The following SLC5A3 variants were observed in gnomAD, a reference collection of about 807,000 sequenced individuals.
The protein encoded by SLC5A3 is solute carrier family 5 member 3.
Under a neutral mutation model 43.2 loss-of-function variants are expected in SLC5A3, and 10 were observed. The ratio of observed to expected loss-of-function variants is 0.23; its 90% confidence interval spans 0.14 to 0.39. The LOEUF (loss-of-function observed/expected upper bound fraction) is 0.39. SLC5A3 is among the 10% of genes least tolerant of loss of function. SLC5A3 has a pLI of 1.00. For synonymous variants in SLC5A3, 349 were observed against 322.0 expected (o/e 1.08, Z -0.90); for missense variants, 608 against 893.4 (o/e 0.68, Z 4.07).
intron 1 of SLC5A3, among the ~76,000 whole-genome samples, chr21:34,080,210 G>C (rs1278590013): frequency 6.6e-6 from 1 of 152,162 alleles, no homozygotes; most frequent in Non-Finnish European, 1.5e-5. Flanking sequence ...ATAGTAGAAA[G>C]CATTAAGTGA....
At chr21:34,080,098 A>G (rs987530502) in intron 1 of SLC5A3, among the ~76,000 whole-genome samples, 4 of 152,100 alleles carry the variant, frequency 2.6e-5, no homozygotes, top group Admixed American at 2.0e-4. Flanking sequence ...CTGACATACT[A>G]CTGAGGGGAG....
chr21:34,105,771 T>C lies in SLC5A3; in HGVS notation c.*8416T>C, dbSNP rs777037980. 1.2e-4 allele frequency: 116 copies of C among 995,556 alleles called. No individual in the cohort carries two copies. In the Middle Eastern group the frequency reaches 3.1e-3, roughly 27 times the overall value. The allele number at this position is 995,556 out of a possible 1,614,324, so 61.7% of individuals were successfully genotyped here. On this transcript the variant is annotated 3_prime_UTR_variant, in exon 2 of 2. Transcript: ENST00000381151. The stretch of plus-strand genomic sequence containing the variant: ...TTTTTAATTTTAAGGTTTGACTAAT[T>C]GTATCCATCTCATTGTACAGTGTTT...
At chr21:34,082,833 G>GT (rs1209812167) in intron 1 of SLC5A3, among the ~76,000 whole-genome samples, 2 of 152,028 alleles carry the variant, frequency 1.3e-5, no homozygotes, top group Admixed American at 1.3e-4. Flanking sequence ...TTGGCCCAAG[G>GT]TGTAATTGAC....
intron 1 of SLC5A3, among the ~76,000 whole-genome samples, chr21:34,085,910 G>A (rs1386025182): frequency 1.3e-5 from 2 of 152,056 alleles, no homozygotes; most frequent in Non-Finnish European, 2.9e-5. Flanking sequence ...CCAGAAATAA[G>A]GACTTTTAAA....
chr21:34,073,863 A>G (rs2148649148), intron 1 of SLC5A3, 118 bp downstream of exon 1: 1 of 502,332 alleles, frequency 2.0e-6, no homozygotes, highest in Non-Finnish European at 2.7e-6. Context: ...TCCTCGGAGG[A>G]GGCCGGGGCG....
rs1989247073 is a variant in SLC5A3 at position 34,073,762 on chromosome 21, C to T, written c.-337+17C>T. 1.3e-5 allele frequency: 19 copies of T among 1,494,346 alleles called. No individual in the cohort carries two copies. Among genetic ancestry groups the T allele is most frequent in the Non-Finnish European group, 1.7e-5 (19 of 1,114,454 alleles). The allele number at this position is 1,494,346 out of a possible 1,614,324, so 92.6% of individuals were successfully genotyped here. A position where few individuals can be genotyped will look rare whatever the true frequency, so the allele number is the denominator to read the frequency against. On this transcript the variant is annotated intron_variant, in intron 1 of 1. Transcript: ENST00000381151. ...ATGCAGCGGGTAAGTGACCTTCCCT[C>T]AGAGCCGGTCTTCCCGCGCGGGCGC...
Position 34,081,609 on chromosome 21 carries a change from G to A in SLC5A3, c.-337+7864G>A, listed in dbSNP as rs144669508. Reference sequence around the variant, plus strand: ...AGATGGGACTGGGTTTTGGATTGTAGCACCTACTTCCTAAGGACTTTAACC... The same window carrying A: ...AGATGGGACTGGGTTTTGGATTGTAACACCTACTTCCTAAGGACTTTAACC... On this transcript the variant is annotated intron_variant, in intron 1 of 1. Coordinates refer to ENST00000381151, the MANE Select transcript of SLC5A3 (RefSeq NM_006933.7). 7.5e-3 allele frequency among the ~76,000 whole-genome samples: 1,135 copies of A among 152,270 alleles called. 9 individuals carry two copies. The highest frequency in any genetic ancestry group is 0.011 in the Non-Finnish European group (747 of 68,024).
chr21:34,075,308 A>G (rs1989301294), intron 1 of SLC5A3, among the ~76,000 whole-genome samples: 2 of 152,112 alleles, frequency 1.3e-5, no homozygotes, highest in African/African-American at 4.8e-5. Flanking sequence ...ACCCTTTGAA[A>G]CCTTTGAAAT....
At position 34,101,447 on chromosome 21, in the gene SLC5A3, C is replaced by G; in HGVS notation, c.*4092C>G. Reference sequence around the variant, plus strand: ...TGTAAGATTTTGCATTAGCCAGATGCTAGGTTGTTGAAGGCATTTCAGTGT... The same window carrying G: ...TGTAAGATTTTGCATTAGCCAGATGGTAGGTTGTTGAAGGCATTTCAGTGT... On this transcript the variant is annotated 3_prime_UTR_variant, in exon 2 of 2. Transcript: ENST00000381151. 6 of 1,000,070 alleles carry G rather than the reference C, an allele frequency of 6.0e-6. No homozygotes were observed. The highest frequency in any genetic ancestry group is 7.2e-6 in the Non-Finnish European group (6 of 829,884). The allele number at this position is 1,000,070 out of a possible 1,614,324, so 61.9% of individuals were successfully genotyped here.
At position 34,105,390 on chromosome 21, in the gene SLC5A3, T is replaced by C; in HGVS notation, c.*8035T>C. 8 of 999,520 alleles carry C rather than the reference T, an allele frequency of 8.0e-6. No homozygotes were observed. Among genetic ancestry groups the C allele is most frequent in the Non-Finnish European group, 9.6e-6 (8 of 829,446 alleles). The allele number at this position is 999,520 out of a possible 1,614,324, so 61.9% of individuals were successfully genotyped here. A position where few individuals can be genotyped will look rare whatever the true frequency, so the allele number is the denominator to read the frequency against. ...CTTCTTCAAGAAGAAAACCAATTCTTTTTCTAATAATATCCTGTGAAATTG... is the reference window on the plus strand; with the variant it reads ...CTTCTTCAAGAAGAAAACCAATTCTCTTTCTAATAATATCCTGTGAAATTG... On this transcript the variant is annotated 3_prime_UTR_variant, in exon 2 of 2. Coordinates refer to ENST00000381151, the MANE Select transcript of SLC5A3 (RefSeq NM_006933.7).
intron 1 of SLC5A3, 78 bp downstream of exon 1, chr21:34,073,823 C>A: frequency 8.6e-7 from 1 of 1,162,160 alleles, no homozygotes; most frequent in Non-Finnish European, 1.1e-6. Context: ...CCCGCGCGCC[C>A]TGGCCGCGGG....
rs1198774688 is a variant in SLC5A3, at chr21:34,105,097, T to A, written c.*7742T>A. ...TAAAATGCAAAAGCTTTATTTTTTTTAATAATGCCATACTCCATTAGTGTC... is the reference window on the plus strand; with the variant it reads ...TAAAATGCAAAAGCTTTATTTTTTTAAATAATGCCATACTCCATTAGTGTC... On this transcript the variant is annotated 3_prime_UTR_variant, in exon 2 of 2. Transcript: ENST00000381151. 6.0e-6 allele frequency: 6 copies of A among 1,000,082 alleles called. No homozygotes were observed. The highest frequency in any genetic ancestry group is 5.2e-4 in the Middle Eastern group (1 of 1,938). 62.0% of individuals were successfully genotyped at this position (1,000,082 alleles called of 1,614,324 possible).
rs1405911493 is a variant in SLC5A3 at position 34,102,599 on chromosome 21, AC to A, written c.*5246del. The A allele has an allele frequency of 4.0e-6, 4 of 1,000,048 alleles. No homozygotes were observed. Among genetic ancestry groups the A allele is most frequent in the Non-Finnish European group, 4.8e-6 (4 of 829,910 alleles). The allele number at this position is 1,000,048 out of a possible 1,614,324, so 61.9% of individuals were successfully genotyped here. A position where few individuals can be genotyped will look rare whatever the true frequency, so the allele number is the denominator to read the frequency against. ...ACATAGTCTGAGGCTATTGACTTAA[AC>A]CAATAACTGTACTTTATGTAATGAC... On this transcript the variant is annotated 3_prime_UTR_variant, in exon 2 of 2. Transcript: ENST00000381151.
At chr21:34,085,863 A>C (rs1421763140) in intron 1 of SLC5A3, among the ~76,000 whole-genome samples, 3 of 152,256 alleles carry the variant, frequency 2.0e-5, no homozygotes, top group Middle Eastern at 3.4e-3. Flanking sequence ...CGGCCTCCCA[A>C]AGTGCTGGGA....
chr21:34,106,020 C>T lies in SLC5A3; in HGVS notation c.*8665C>T. ...TGTTTAAAAAATGAAAAAAGCATAT[C>T]TGCTAAAGAGCTGTCAGTTTTCATT... On this transcript the variant is annotated 3_prime_UTR_variant, in exon 2 of 2. Transcript: ENST00000381151. The T allele has an allele frequency of 1.0e-6, 1 of 994,190 alleles. No homozygotes were observed. Among genetic ancestry groups the T allele is most frequent in the Non-Finnish European group, 1.2e-6 (1 of 824,454 alleles). The allele number at this position is 994,190 out of a possible 1,614,324, so 61.6% of individuals were successfully genotyped here. A position where few individuals can be genotyped will look rare whatever the true frequency, so the allele number is the denominator to read the frequency against.
At chr21:34,083,992 A>G (rs1387285953) in intron 1 of SLC5A3, among the ~76,000 whole-genome samples, 1 of 152,182 alleles carries the variant, frequency 6.6e-6, no homozygotes, top group Non-Finnish European at 1.5e-5. Context: ...TTGCAATGCA[A>G]GAGGAAAATC....
chr21:34,088,088 G>A (rs558158387), intron 1 of SLC5A3, among the ~76,000 whole-genome samples: 3 of 152,294 alleles, frequency 2.0e-5, no homozygotes, highest in South Asian at 4.1e-4. Context: ...TCCATTAAGA[G>A]CAGTTGTCCA....
rs879119484 is a variant in SLC5A3, at chr21:34,099,448, A to G, written c.*2093A>G. The G allele has an allele frequency of 1.0e-5, 10 of 1,000,176 alleles. No homozygotes were observed. The highest frequency in any genetic ancestry group is 1.2e-5 in the Non-Finnish European group (10 of 829,930). The allele number at this position is 1,000,176 out of a possible 1,614,324, so 62.0% of individuals were successfully genotyped here. On this transcript the variant is annotated 3_prime_UTR_variant, in exon 2 of 2. Transcript: ENST00000381151. The stretch of plus-strand genomic sequence containing the variant: ...GGGACAACCTTTTGGTGTTTGGGAA[A>G]GTAATAAGATCTTGGATTTTTCAAA...
At position 34,105,404 on chromosome 21, in the gene SLC5A3, C is replaced by T. The variant is rs1407519119; in HGVS notation, c.*8049C>T. On this transcript the variant is annotated 3_prime_UTR_variant, in exon 2 of 2. Coordinates refer to ENST00000381151, the MANE Select transcript of SLC5A3 (RefSeq NM_006933.7). ...AAACCAATTCTTTTTCTAATAATAT[C>T]CTGTGAAATTGCTTCATTCATTCAT... The T allele has an allele frequency of 2.0e-6, 2 of 998,652 alleles. No homozygotes were observed. Among genetic ancestry groups the T allele is most frequent in the African/African-American group, 1.7e-5 (1 of 57,166 alleles). The allele number at this position is 998,652 out of a possible 1,614,324, so 61.9% of individuals were successfully genotyped here.
Sources: gnomAD v4.1 joint callset for allele counts (sites outside exome capture counted in the v4.1 genomes callset) on GRCh38, gnomAD v4.1.1 for gene constraint, MANE v1.5 for transcripts, NCBI Gene and HGNC (gene_info 2026-07-23, HGNC 2026-07-21) for gene names.